PGAP2: variants seen among roughly 807,000 people sequenced by gnomAD.
PGAP2 encodes the protein acyltransferase PGAP2.
Under a neutral mutation model 33.2 loss-of-function variants are expected in PGAP2, and 21 were observed. The observed-to-expected ratio is 0.63, with a 90% CI of 0.45 to 0.91. The LOEUF (loss-of-function observed/expected upper bound fraction) is 0.91, where lower values mean the gene tolerates loss of function less well. Ranked by LOEUF, PGAP2 falls within the 40% of genes least tolerant of loss-of-function variation. The pLI, the probability that PGAP2 is intolerant of heterozygous loss-of-function variation, is 0.00. For missense variants in PGAP2, 345 were observed against 424.0 expected, an observed-to-expected ratio of 0.81 and a Z score of 1.64; for synonymous variants, 161 against 172.9, an observed-to-expected ratio of 0.93 and a Z score of 0.54.
intron 1 of PGAP2, among the ~76,000 whole-genome samples, chr11:3,802,544 A>G (rs2083607180): frequency 6.6e-6 from 1 of 152,204 alleles, no homozygotes; most frequent in Non-Finnish European, 1.5e-5. Flanking sequence ...GGCCAAGGAA[A>G]GTCCAGCTTT....
chr11:3,801,094 A>C (rs1278188311), intron 1 of PGAP2, among the ~76,000 whole-genome samples: 1 of 151,618 alleles, frequency 6.6e-6, no homozygotes, highest in Non-Finnish European at 1.5e-5. Context: ...AGATGGCACC[A>C]TTGCACTCCA....
chr11:3,798,114 A>G (rs1315871332), intron 1 of PGAP2: 18 of 1,471,408 alleles, frequency 1.2e-5, no homozygotes, highest in African/African-American at 5.8e-5. Context: ...TGTCTGTCCA[A>G]AGAGTTTGCC....
At chr11:3,822,231 A>G (rs546726227) in intron 3 of PGAP2, among the ~76,000 whole-genome samples, 111 of 151,910 alleles carry the variant, frequency 7.3e-4, no homozygotes, top group Non-Finnish European at 1.2e-3. Context: ...GGGCGTGGTG[A>G]CGGGCGCCTG....
At chr11:3,814,579 CT>C (rs1217773423) in intron 2 of PGAP2, among the ~76,000 whole-genome samples, 1 of 151,148 alleles carries the variant, frequency 6.6e-6, no homozygotes, top group African/African-American at 2.4e-5. Context: ...CTTTCTTCTT[CT>C]TTTTTTTCTT....
Position 3,817,496 on chromosome 11 carries a change from G to A in PGAP2, c.309G>A (p.Leu103=). Residue 103 remains leucine, a synonymous_variant, in exon 3 of 7, where the codon CTG becomes CTA. Coordinates refer to ENST00000278243, the MANE Select transcript of PGAP2 (RefSeq NM_014489.4). ...FGFFFCIIWS[L]VFHFEYTVAT... is the part of the protein sequence containing the mutation. ...TCTTCTTCTGCATCATCTGGTCCCTGGTGTTCCACTTTGAGTACACGGTGG... is the reference window on the plus strand; with the variant it reads ...TCTTCTTCTGCATCATCTGGTCCCTAGTGTTCCACTTTGAGTACACGGTGG... The A allele has an allele frequency of 6.2e-7, 1 of 1,614,184 alleles. No homozygotes were observed. The highest frequency in any genetic ancestry group is 8.5e-7 in the Non-Finnish European group (1 of 1,180,046).
At chr11:3,818,497 A>G (rs937747110) in intron 3 of PGAP2, among the ~76,000 whole-genome samples, 1 of 152,142 alleles carries the variant, frequency 6.6e-6, no homozygotes, top group South Asian at 2.1e-4. Flanking sequence ...GGGAGATGTA[A>G]CAAGTGGCTT....
chr11:3,800,684 T>TA (rs2083307835), intron 1 of PGAP2, among the ~76,000 whole-genome samples: 2 of 151,484 alleles, frequency 1.3e-5, no homozygotes, highest in African/African-American at 4.9e-5. Flanking sequence ...TGGTGGCACA[T>TA]ACCTGTAGTC....
At chr11:3,822,523 A>G (rs2134969764) in intron 3 of PGAP2, among the ~76,000 whole-genome samples, 1 of 152,050 alleles carries the variant, frequency 6.6e-6, no homozygotes, top group East Asian at 1.9e-4. Context: ...TTAGCCTGCT[A>G]CTCAGGAGGC....
chr11:3,822,313 A>G (rs4910576), intron 3 of PGAP2, among the ~76,000 whole-genome samples: 76,273 of 151,726 alleles, frequency 0.5, 19,341 homozygotes, highest in African/African-American at 0.53. Flanking sequence ...GCAGTGAGCC[A>G]AGATCGCGCC....
chr11:3,797,750 G>A, upstream of PGAP2: 1 of 1,435,716 alleles, frequency 7.0e-7, no homozygotes. Flanking sequence ...CAGGGTAGGA[G>A]CGGTGAGAGG....
chr11:3,802,398 A>G (rs1292455564), intron 1 of PGAP2, among the ~76,000 whole-genome samples: 1 of 152,184 alleles, frequency 6.6e-6, no homozygotes, highest in Non-Finnish European at 1.5e-5. Context: ...AAATTCTGAT[A>G]ACACCTCTTT....
In PGAP2 at chr11:3,824,073, T is replaced by A; in HGVS notation, c.539T>A (p.Leu180His). The A allele has an allele frequency of 6.2e-7, 1 of 1,614,194 alleles. No individual in the cohort carries two copies. The highest frequency in any genetic ancestry group is 8.5e-7 in the Non-Finnish European group (1 of 1,180,046). Residue 180 changes from leucine to histidine, a missense_variant, in exon 4 of 7, where the codon CTC (leucine) becomes CAC (histidine). Leu to His is a moderately conservative substitution (Grantham distance 99). Around this residue, in one of 2 missense-constraint regions of PGAP2, gnomAD observed 311 missense variants for 353.6 expected, o/e 0.88. Transcript: ENST00000278243. ...CCGCTCTGCCGCCTCAACTTCGGCC[T>A]CAATGTCGTGGAGAACCTCGCGTTG... The part of the protein sequence containing the change: ...YRPLCRLNFG[L>H]NVVENLALLV...
intron 3 of PGAP2, among the ~76,000 whole-genome samples, chr11:3,819,283 A>G (rs1388079181): frequency 6.6e-6 from 1 of 152,078 alleles, no homozygotes; most frequent in Non-Finnish European, 1.5e-5. Flanking sequence ...TTTGTGCTTC[A>G]GAAGACCACT....
chr11:3,818,863 C>T (rs1328220039), intron 3 of PGAP2, among the ~76,000 whole-genome samples: 1 of 152,116 alleles, frequency 6.6e-6, no homozygotes, highest in Non-Finnish European at 1.5e-5. Flanking sequence ...TCAGAGGAGG[C>T]ACTTCACGCA....
intron 1 of PGAP2, among the ~76,000 whole-genome samples, chr11:3,798,252 G>A (rs1189031727): frequency 6.6e-6 from 1 of 152,234 alleles, no homozygotes; most frequent in Non-Finnish European, 1.5e-5. Context: ...CTAAGGGACT[G>A]GCCCACCAAA....
chr11:3,800,162 T>C (rs951581605), intron 1 of PGAP2, among the ~76,000 whole-genome samples: 1 of 152,196 alleles, frequency 6.6e-6, no homozygotes, highest in Non-Finnish European at 1.5e-5. Context: ...ACCCCTACTT[T>C]ACAACCACAC....
Position 3,811,418 on chromosome 11 carries a change from CTG to C in PGAP2, c.162_163del (p.Cys54TrpfsTer54), listed in dbSNP as rs1234270253. 1.9e-6 allele frequency: 3 copies of C among 1,613,598 alleles called. No homozygotes were observed. The African/African-American group carries it at 4.0e-5, about 22-fold the overall frequency. On this transcript the variant is annotated frameshift_variant, in exon 2 of 7. Coordinates refer to ENST00000278243, the MANE Select transcript of PGAP2 (RefSeq NM_014489.4). LOFTEE classifies it high-confidence loss of function. This position sits in a 1 kb window ranked among gnomAD's most constrained non-coding sequence, Gnocchi z 4.6. The stretch of plus-strand genomic sequence containing the variant: ...ACTTCAAGGAGACAACGGCCACACA[CTG>C]TGGGGTAGGGCATGGGGACACTGAT... Reference protein sequence around the residue: ...FHFKETTATHCGATPCRMFSA... With the variant: ...FHFKETTATHXGATPCRMFSA...
chr11:3,823,024 CTTTTTTTTTTTTTT>C (rs746736798), intron 3 of PGAP2: 6,616 of 306,488 alleles, frequency 0.022, 17 homozygotes, highest in Middle Eastern at 0.036. Context: ...TTTTTCTTTT[CTTTTTTTTTTTTTT>C]TTTTTTTTTT....
intron 2 of PGAP2, among the ~76,000 whole-genome samples, chr11:3,816,668 A>C (rs1405746874): frequency 6.6e-6 from 1 of 152,136 alleles, no homozygotes; most frequent in Non-Finnish European, 1.5e-5. Flanking sequence ...CTGGTATTTT[A>C]GGATCAGGGT....
Sources: gnomAD v4.1 joint callset for allele counts (sites outside exome capture counted in the v4.1 genomes callset) on GRCh38, gnomAD v4.1.1 for gene constraint, gnomAD v4.1.1 regional missense constraint, Gnocchi (gnomAD v3.1) non-coding constraint, MANE v1.5 for transcripts, NCBI Gene and HGNC (gene_info 2026-07-23, HGNC 2026-07-21) for gene names.